The following KIF26B variants were observed in gnomAD, a reference collection of about 807,000 sequenced individuals.
KIF26B encodes the protein kinesin family member 26B.
A neutral mutation model predicts 151.2 loss-of-function variants in KIF26B; 63 were observed. That is an observed-to-expected ratio of 0.42 (90% CI 0.34 to 0.51). The LOEUF (loss-of-function observed/expected upper bound fraction) is 0.51, where lower values mean the gene tolerates loss of function less well. Ranked by LOEUF, KIF26B falls within the 20% of genes least tolerant of loss-of-function variation. The pLI, the probability that KIF26B is intolerant of heterozygous loss-of-function variation, is 0.07. For missense variants in KIF26B, 2,813 were observed against 2,913.6 expected (o/e 0.97, Z 0.79); for synonymous variants, 1,357 against 1,262.1 (o/e 1.08, Z -1.59).
intron 8 of KIF26B, among the ~76,000 whole-genome samples, chr1:245,610,534 T>A (rs1018023902): frequency 1.3e-5 from 2 of 152,336 alleles, no homozygotes; most frequent in South Asian, 4.1e-4. Flanking sequence ...TTCTGAGGCA[T>A]CAAATGTGCA....
At chr1:245,525,219 G>A (rs1043900507) in intron 4 of KIF26B, among the ~76,000 whole-genome samples, 2 of 152,134 alleles carry the variant, frequency 1.3e-5, no homozygotes, top group African/African-American at 4.8e-5. Flanking sequence ...GAAGATCTAA[G>A]CCAAGACTGT....
intron 9 of KIF26B, among the ~76,000 whole-genome samples, chr1:245,640,622 T>C (rs1282331122): frequency 6.6e-6 from 1 of 152,124 alleles, no homozygotes; most frequent in Non-Finnish European, 1.5e-5. Flanking sequence ...GGTTAAGTGA[T>C]TTTCTTTGAT....
chr1:245,401,667 G>A (rs2103027248), intron 3 of KIF26B, among the ~76,000 whole-genome samples: 1 of 152,226 alleles, frequency 6.6e-6, no homozygotes, highest in South Asian at 2.1e-4. Flanking sequence ...TCAGGAGTTC[G>A]AGACCAGCCT....
Position 245,702,423 on chromosome 1 carries a change from C to T in KIF26B, c.6179-35C>T, listed in dbSNP as rs764733044. The stretch of plus-strand genomic sequence containing the variant: ...CGGGAGTTGCTTCTCACCCTGTTTG[C>T]TCTGCGTCTCCATCAGGCTCTTCCT... On this transcript the variant is annotated intron_variant, in intron 14 of 14. Coordinates refer to ENST00000407071, the MANE Select transcript of KIF26B (RefSeq NM_018012.4). This position sits in a 1 kb window ranked among gnomAD's most constrained non-coding sequence, Gnocchi z 4.1. 1.9e-6 allele frequency: 3 copies of T among 1,612,076 alleles called. No individual in the cohort carries two copies. Among genetic ancestry groups the T allele is most frequent in the South Asian group, 2.2e-5 (2 of 90,860 alleles).
intron 4 of KIF26B, among the ~76,000 whole-genome samples, chr1:245,501,482 A>G (rs1164427648): frequency 6.6e-6 from 1 of 152,204 alleles, no homozygotes; most frequent in African/African-American, 2.4e-5. Context: ...GTTCTTTGTC[A>G]TCTGTTCTTA....
In KIF26B at chr1:245,481,134, T is replaced by C. The variant is rs76386129; in HGVS notation, c.1167-59633T>C. Among the ~76,000 whole-genome samples, 13 of 152,040 alleles carry C rather than the reference T, an allele frequency of 8.6e-5. No individual in the cohort carries two copies. In the East Asian group the frequency reaches 2.5e-3, roughly 29 times the overall value. The stretch of plus-strand genomic sequence containing the variant: ...ACCTATAAGTGCCATCTTTGGAATA[T>C]TTGTCCTTTAGAAAGAAGCATCTGC... On this transcript the variant is annotated intron_variant, in intron 4 of 14. Transcript: ENST00000407071.
chr1:245,629,944 A>G (rs531331353), intron 9 of KIF26B, among the ~76,000 whole-genome samples: 12 of 152,250 alleles, frequency 7.9e-5, no homozygotes, highest in African/African-American at 2.4e-4. Flanking sequence ...GACACTTCTC[A>G]AAAGAAGACA....
intron 2 of KIF26B, among the ~76,000 whole-genome samples, chr1:245,251,741 A>G (rs10924136): frequency 0.018 from 2,816 of 152,246 alleles, 57 homozygotes; most frequent in East Asian, 0.076. Flanking sequence ...TGTTTGTGTT[A>G]TCTATCTCTG....
chr1:245,332,874 C>T (rs1221808163), intron 2 of KIF26B, among the ~76,000 whole-genome samples: 1 of 152,134 alleles, frequency 6.6e-6, no homozygotes, highest in East Asian at 1.9e-4. Context: ...AAGGCAAGTG[C>T]AGAAGGGAAG....
rs995319608 is a variant in KIF26B, at chr1:245,171,993, A to G, written c.465+15310A>G. Among the ~76,000 whole-genome samples the G allele has an allele frequency of 5.9e-5, 9 of 152,346 alleles. No individual in the cohort carries two copies. The East Asian group carries it at 1.2e-3, about 20-fold the overall frequency. ...GCCAGAAGGGAAAAGTAAAACTTAC[A>G]CTTTTAGACAGCGACCTCCTGACTC... On this transcript the variant is annotated intron_variant, in intron 2 of 14. Coordinates refer to ENST00000407071, the MANE Select transcript of KIF26B (RefSeq NM_018012.4).
intron 5 of KIF26B, among the ~76,000 whole-genome samples, chr1:245,577,750 C>T (rs2043136969): frequency 7.1e-6 from 1 of 140,276 alleles, no homozygotes; most frequent in Non-Finnish European, 1.6e-5. Flanking sequence ...TGCATCTCCT[C>T]ACCGGAAGAG....
rs1320079477 is a variant in KIF26B at position 245,170,957 on chromosome 1, G to T, written c.465+14274G>T. On this transcript the variant is annotated intron_variant, in intron 2 of 14. Coordinates refer to ENST00000407071, the MANE Select transcript of KIF26B (RefSeq NM_018012.4). The surrounding 1 kb of genome is among the most constrained non-coding windows in gnomAD (Gnocchi z 4.4). ...CTGCACTGTCTCCATTATTTGGTGAGATGGTAACATGTGATTACATCCCAA... is the reference window on the plus strand; with the variant it reads ...CTGCACTGTCTCCATTATTTGGTGATATGGTAACATGTGATTACATCCCAA... Among the ~76,000 whole-genome samples the T allele has an allele frequency of 6.6e-6, 1 of 152,218 alleles. No individual in the cohort carries two copies. The highest frequency in any genetic ancestry group is 2.4e-5 in the African/African-American group (1 of 41,450).
chr1:245,441,361 G>A (rs1233541514), intron 4 of KIF26B, among the ~76,000 whole-genome samples: 6 of 151,928 alleles, frequency 3.9e-5, no homozygotes, highest in African/African-American at 1.5e-4. Flanking sequence ...CAAAAACAAC[G>A]GAAGGGTACA....
intron 10 of KIF26B, among the ~76,000 whole-genome samples, chr1:245,670,620 A>G (rs1468498974): frequency 6.6e-6 from 1 of 152,142 alleles, no homozygotes; most frequent in Non-Finnish European, 1.5e-5. Flanking sequence ...AGAGGTAGGA[A>G]CAACCCAATT....
At chr1:245,226,794 G>A (rs981023625) in intron 2 of KIF26B, among the ~76,000 whole-genome samples, 6 of 152,160 alleles carry the variant, frequency 3.9e-5, no homozygotes, top group African/African-American at 7.2e-5. Flanking sequence ...GGAACGAAAA[G>A]GGTATGATGG....
chr1:245,301,584 AC>A (rs1393887111), intron 2 of KIF26B, among the ~76,000 whole-genome samples: 1 of 152,048 alleles, frequency 6.6e-6, no homozygotes, highest in Non-Finnish European at 1.5e-5. Flanking sequence ...GTCCCAGATC[AC>A]CCTGTCATTG....
At chr1:245,438,342 C>T (rs1368038341) in intron 4 of KIF26B, among the ~76,000 whole-genome samples, 2 of 152,222 alleles carry the variant, frequency 1.3e-5, no homozygotes, top group Non-Finnish European at 2.9e-5. Context: ...GAAGTACAGA[C>T]ACAACTTCAA....
chr1:245,478,819 C>T (rs1473529510), intron 4 of KIF26B, among the ~76,000 whole-genome samples: 2 of 151,560 alleles, frequency 1.3e-5, no homozygotes, highest in East Asian at 1.9e-4. Flanking sequence ...ATGGCAGCGA[C>T]GTGGGTGAGA....
At chr1:245,449,475 G>T (rs1002389046) in intron 4 of KIF26B, among the ~76,000 whole-genome samples, 1 of 151,962 alleles carries the variant, frequency 6.6e-6, no homozygotes, top group Non-Finnish European at 1.5e-5. Context: ...GGATCAGGAG[G>T]GGCTGTATTT....
Sources: gnomAD v4.1 joint callset for allele counts (sites outside exome capture counted in the v4.1 genomes callset) on GRCh38, gnomAD v4.1.1 for gene constraint, Gnocchi (gnomAD v3.1) non-coding constraint, MANE v1.5 for transcripts, NCBI Gene and HGNC (gene_info 2026-07-23, HGNC 2026-07-21) for gene names.